NGEF: variants seen among roughly 807,000 people sequenced by gnomAD.
NGEF encodes the protein neuronal guanine nucleotide exchange factor.
Under a neutral mutation model 80.9 loss-of-function variants are expected in NGEF, and 31 were observed. That is an observed-to-expected ratio of 0.38 (90% confidence interval 0.29 to 0.52). The LOEUF (loss-of-function observed/expected upper bound fraction) is 0.52. Among genes scored for constraint, NGEF ranks in the 20% least tolerant of loss-of-function variants. NGEF has a pLI of 0.84. For synonymous variants in NGEF, 371 were observed against 370.2 expected (o/e 1.00, Z -0.03); for missense variants, 709 against 926.2 (o/e 0.77, Z 3.04).
rs183552099 is a variant in NGEF, at chr2:232,962,497, C to T, written c.383+7717G>A. Among the ~76,000 whole-genome samples, 158 of 151,778 alleles carry T rather than the reference C, an allele frequency of 1.0e-3. 1 individual carries two copies. The highest frequency in any genetic ancestry group is 0.01 in the Admixed American group (157 of 15,270). On this transcript the variant is annotated intron_variant, in intron 3 of 14. Transcript: ENST00000264051. The stretch of plus-strand genomic sequence containing the variant: ...CCAGGAGATGGAGGTTGAAGGGGGC[C>T]GAGATGGCACCACTGCACTCTAGCC...
chr2:232,907,188 G>GAAAAAAAAAAAAAAAAAAAAAAAAA, intron 5 of NGEF, among the ~76,000 whole-genome samples: 1 of 113,160 alleles, frequency 8.8e-6, no homozygotes, highest in Non-Finnish European at 1.7e-5. Context: ...AGAAAAAAAA[G>GAAAAAAAAAAAAAAAAAAAAAAAAA]AAAAAAAAAA....
intron 1 of NGEF, among the ~76,000 whole-genome samples, chr2:232,976,352 G>A (rs544170560): frequency 2.0e-5 from 3 of 152,132 alleles, no homozygotes; most frequent in African/African-American, 4.8e-5. Context: ...CTTTCCCACC[G>A]CACCACTCCT....
chr2:232,961,502 T>A (rs527429175), intron 3 of NGEF, among the ~76,000 whole-genome samples: 1 of 152,224 alleles, frequency 6.6e-6, no homozygotes, highest in African/African-American at 2.4e-5. Flanking sequence ...TTTTTATTTT[T>A]TATTTTTTGA....
At position 232,962,655 on chromosome 2, in the gene NGEF, T is replaced by G. The variant is rs192235255; in HGVS notation, c.383+7559A>C. ...CCAAAAAATGATTGAAAAATGAAAT[T>G]AGAAAACATTGGCATTTAAAATAGG... On this transcript the variant is annotated intron_variant, in intron 3 of 14. Coordinates refer to ENST00000264051, the MANE Select transcript of NGEF (RefSeq NM_019850.3). Among the ~76,000 whole-genome samples, 245 of 152,046 alleles carry G rather than the reference T, an allele frequency of 1.6e-3. 10 individuals carry two copies. Among genetic ancestry groups the G allele is most frequent in the African/African-American group, 5.8e-3 (239 of 41,326 alleles).
rs535631734 is a variant in NGEF at position 232,913,111 on chromosome 2, C to T, written c.828+7173G>A. On this transcript the variant is annotated intron_variant, in intron 5 of 14. Transcript: ENST00000264051. ...CTTAGGCTATTGTTTTGAAAGCTAT[C>T]TGCTTTCTTAAATAAACATAATGCT... Among the ~76,000 whole-genome samples the T allele has an allele frequency of 3.3e-5, 5 of 152,294 alleles. No homozygotes were observed. The South Asian group carries it at 1.0e-3, about 32-fold the overall frequency.
intron 3 of NGEF, among the ~76,000 whole-genome samples, chr2:232,935,032 T>G (rs566578001): frequency 7.2e-5 from 11 of 151,898 alleles, no homozygotes; most frequent in East Asian, 1.9e-4. Flanking sequence ...ATAATAAGAA[T>G]AATTGGTGAA....
At chr2:232,886,756 C>T (rs1228879804) in intron 9 of NGEF, among the ~76,000 whole-genome samples, 3 of 152,362 alleles carry the variant, frequency 2.0e-5, no homozygotes, top group Middle Eastern at 3.4e-3. Flanking sequence ...TTCTGGGGCA[C>T]GTGGGCCCCT....
rs922831622 is a variant in NGEF, at chr2:232,983,121, G to A, written c.-74-8157C>T. Reference sequence around the variant, plus strand: ...TTTTGGTGTTCTGAGCGTGAACAAAGGTGAGGGCGAGAGAAAGATCCTGGA... The same window carrying A: ...TTTTGGTGTTCTGAGCGTGAACAAAAGTGAGGGCGAGAGAAAGATCCTGGA... On this transcript the variant is annotated intron_variant, in intron 1 of 14. Coordinates refer to ENST00000264051, the MANE Select transcript of NGEF (RefSeq NM_019850.3). Among the ~76,000 whole-genome samples, 9 of 152,298 alleles carry A rather than the reference G, an allele frequency of 5.9e-5. No homozygotes were observed. The South Asian group carries it at 1.7e-3, about 28-fold the overall frequency.
intron 10 of NGEF, among the ~76,000 whole-genome samples, chr2:232,884,400 A>G (rs539388526): frequency 7.2e-5 from 11 of 152,246 alleles, no homozygotes; most frequent in African/African-American, 2.4e-4. Flanking sequence ...TTCTATGTGT[A>G]TGGACTGTGT....
chr2:232,882,801 C>A (rs1691549590), intron 12 of NGEF, among the ~76,000 whole-genome samples: 1 of 152,182 alleles, frequency 6.6e-6, no homozygotes, highest in Non-Finnish European at 1.5e-5. Flanking sequence ...TCACTGCAAC[C>A]TCCACAGTTC....
intron 1 of NGEF, among the ~76,000 whole-genome samples, chr2:232,977,205 C>A (rs1325058082): frequency 2.0e-5 from 3 of 152,056 alleles, no homozygotes; most frequent in Non-Finnish European, 4.4e-5. Context: ...GAACGGGGAC[C>A]CCTGCACTTG....
intron 1 of NGEF, among the ~76,000 whole-genome samples, chr2:232,978,255 C>G (rs1415988043): frequency 6.6e-6 from 1 of 151,770 alleles, no homozygotes; most frequent in Non-Finnish European, 1.5e-5. Flanking sequence ...CATGGTGGCT[C>G]ACGTCTGTAA....
chr2:232,879,973 C>T (rs1228789294), intron 14 of NGEF, among the ~76,000 whole-genome samples: 2 of 149,832 alleles, frequency 1.3e-5, no homozygotes, highest in African/African-American at 5.0e-5. Context: ...CTGCCCTACA[C>T]GAGCCCAGGA....
rs61594239 is a variant in NGEF at position 232,972,744 on chromosome 2, CTTTTTTTTTT to C, written c.268+1869_268+1878del. 1.1e-3 allele frequency among the ~76,000 whole-genome samples: 141 copies of C among 123,370 alleles called. 2 individuals are homozygous for C. The highest frequency in any genetic ancestry group is 3.6e-3 in the African/African-American group (127 of 34,890). 80.9% of individuals were successfully genotyped at this position (123,370 alleles called of 152,430 possible). On this transcript the variant is annotated intron_variant, in intron 2 of 14. Coordinates refer to ENST00000264051, the MANE Select transcript of NGEF (RefSeq NM_019850.3). ...CTTTCTCCCCAGCCATGTCCTTATC[CTTTTTTTTTT>C]TTTTTTTTTTTTTTTTTTTTGAGAT...
chr2:232,905,843 G>A, intron 5 of NGEF: 1 of 270,522 alleles, frequency 3.7e-6, no homozygotes. Context: ...CACCCCGTCT[G>A]GGAAGTGAGG....
At chr2:232,996,506 C>T (rs1047254453) in intron 1 of NGEF, among the ~76,000 whole-genome samples, 5 of 152,186 alleles carry the variant, frequency 3.3e-5, no homozygotes, top group Admixed American at 2.0e-4. Flanking sequence ...CCTTGGTATC[C>T]GTGGGGGGAT....
intron 1 of NGEF, among the ~76,000 whole-genome samples, chr2:233,007,208 C>T (rs1399629958): frequency 1.3e-5 from 2 of 152,196 alleles, no homozygotes; most frequent in Admixed American, 6.5e-5. Context: ...CCCACCACTG[C>T]ACTCCAGCCT....
At chr2:232,967,157 A>C (rs578259728) in intron 3 of NGEF, among the ~76,000 whole-genome samples, 2 of 151,952 alleles carry the variant, frequency 1.3e-5, no homozygotes, top group African/African-American at 4.8e-5. Flanking sequence ...TGGATGTTTA[A>C]AAGTGTGTGG....
intron 3 of NGEF, among the ~76,000 whole-genome samples, chr2:232,941,679 C>A (rs1006667401): frequency 3.9e-5 from 6 of 152,098 alleles, no homozygotes; most frequent in African/African-American, 7.2e-5. Flanking sequence ...TCCCTTAATG[C>A]GCATAAATGT....
Sources: allele counts gnomAD v4.1 joint callset (sites outside exome capture counted in the v4.1 genomes callset), GRCh38; gene constraint gnomAD v4.1.1; transcripts MANE v1.5; gene names NCBI Gene and HGNC (gene_info 2026-07-23, HGNC 2026-07-21).